The following P4HTM variants were observed in gnomAD, a reference collection of about 807,000 sequenced individuals.
P4HTM encodes the protein transmembrane prolyl 4-hydroxylase.
P4HTM carries 33 observed loss-of-function variants against 55.3 expected under a neutral mutation model. The observed-to-expected ratio is 0.60, with a 90% CI of 0.45 to 0.80. P4HTM has a LOEUF of 0.80. Ranked by LOEUF, P4HTM falls within the 30% of genes least tolerant of loss-of-function variation. P4HTM has a pLI of 0.00. For synonymous variants in P4HTM, 272 were observed against 286.4 expected (o/e 0.95, Z 0.51); for missense variants, 542 against 696.5 (o/e 0.78, Z 2.50).
At chr3:49,000,493 G>A (rs1385046847) in intron 2 of P4HTM, among the ~76,000 whole-genome samples, 3 of 152,182 alleles carry the variant, frequency 2.0e-5, no homozygotes, top group South Asian at 2.1e-4. Flanking sequence ...TGAGAGAAGC[G>A]GCAGGCCACT....
At chr3:49,006,317 A>G (rs2092981118) in intron 8 of P4HTM, 130 bp downstream of exon 8, 3 of 1,000,900 alleles carry the variant, frequency 3.0e-6, no homozygotes, top group East Asian at 2.5e-5. Context: ...GGTGCCTCCC[A>G]AAGGCCATCC....
At position 48,990,274 on chromosome 3, in the gene P4HTM, G is replaced by T; in HGVS notation, c.18G>T (p.Val6=). MAAAA[V]TGQRPETAAA... ...TGGGTGCCATGGCGGCAGCGGCGGT[G>T]ACAGGCCAGCGGCCTGAGACCGCGG... Residue 6 remains valine, a synonymous_variant, in exon 1 of 9, where the codon GTG becomes GTT. Transcript: ENST00000383729. This position sits in a 1 kb window ranked among gnomAD's most constrained non-coding sequence, Gnocchi z 7.2. The T allele has an allele frequency of 8.1e-7, 1 of 1,227,472 alleles. No individual in the cohort carries two copies. The highest frequency in any genetic ancestry group is 3.7e-5 in the South Asian group (1 of 26,926). The allele number at this position is 1,227,472 out of a possible 1,614,324, so 76.0% of individuals were successfully genotyped here.
In P4HTM at chr3:49,005,289, C is replaced by G. The variant is rs1398258285; in HGVS notation, c.1073+243C>G. 1.9e-5 allele frequency: 27 copies of G among 1,446,412 alleles called. 1 individual carries two copies. The highest frequency in any genetic ancestry group is 1.2e-4 in the South Asian group (8 of 69,150). 89.6% of individuals were successfully genotyped at this position (1,446,412 alleles called of 1,614,324 possible). A position where few individuals can be genotyped will look rare whatever the true frequency, so the allele number is the denominator to read the frequency against. ...ACTGATGTACCCACAGACACCAAAA[C>G]TTGCCCCCTGAGTTCTGAAGCAAGG... On this transcript the variant is annotated intron_variant, in intron 6 of 8. Coordinates refer to ENST00000383729, the MANE Select transcript of P4HTM (RefSeq NM_177939.3).
chr3:48,995,097 A>T (rs1310735785), intron 2 of P4HTM, among the ~76,000 whole-genome samples: 1 of 151,984 alleles, frequency 6.6e-6, no homozygotes, highest in African/African-American at 2.4e-5. Flanking sequence ...CACCGTGCCC[A>T]GCCGCTCATC....
chr3:48,995,239 C>T (rs1395706142), intron 2 of P4HTM, among the ~76,000 whole-genome samples: 1 of 152,192 alleles, frequency 6.6e-6, no homozygotes, highest in Non-Finnish European at 1.5e-5. Context: ...GATCCTCAGA[C>T]ACCACAAGCT....
chr3:48,997,671 G>A (rs2092949719), intron 2 of P4HTM: 1 of 152,252 alleles, frequency 6.6e-6, no homozygotes, highest in Non-Finnish European at 1.5e-5. Flanking sequence ...CTTAGAATCA[G>A]TCTGCCACCT....
Position 49,004,087 on chromosome 3 carries a change from G to A in P4HTM, c.725-11G>A. ...GGCTTGGTGGGCATTGATGGTGGGT[G>A]CCCTGTGCAGGAGTGCTGAGTCTGC... is the stretch of plus-strand genomic sequence containing the variant. On this transcript the variant is annotated splice_polypyrimidine_tract_variant and intron_variant, in intron 4 of 8. Transcript: ENST00000383729. 6.4e-7 allele frequency: 1 copy of A among 1,553,392 alleles called. No individual in the cohort carries two copies. The highest frequency in any genetic ancestry group is 8.7e-7 in the Non-Finnish European group (1 of 1,148,816).
At chr3:49,005,510 C>G in intron 6 of P4HTM, 1 of 1,341,792 alleles carries the variant, frequency 7.5e-7, no homozygotes, top group Non-Finnish European at 9.5e-7. Context: ...GCCTACCTTT[C>G]CCTGCCAGGC....
upstream of P4HTM, chr3:48,990,221 G>A (rs1463197306): frequency 1.7e-6 from 2 of 1,158,920 alleles, no homozygotes; most frequent in Non-Finnish European, 2.1e-6. The surrounding 1 kb of genome is among the most constrained non-coding windows in gnomAD (Gnocchi z 7.2). Context: ...GCACCCCCGC[G>A]GCCCCTCCCC....
chr3:49,006,111 T>C lies in P4HTM; in HGVS notation c.1212T>C (p.Cys404=), dbSNP rs1439178216. Residue 404 remains cysteine (C), a synonymous_variant, in exon 8 of 9, where the codon TGT becomes TGC. Coordinates refer to ENST00000383729, the MANE Select transcript of P4HTM (RefSeq NM_177939.3). The part of the protein sequence containing the change: ...DVDLRDTRRH[C]DKGNLRVKPQ... ...ACCTCCGTGACACACGGAGGCACTG[T>C]GACAAGGGAAACCTGCGTGTCAAGC... is the stretch of plus-strand genomic sequence containing the variant. 11 of 1,612,958 alleles carry C rather than the reference T, an allele frequency of 6.8e-6. No homozygotes were observed. The highest frequency in any genetic ancestry group is 9.3e-6 in the Non-Finnish European group (11 of 1,179,946).
chr3:49,000,926 T>C, intron 2 of P4HTM: 1 of 194,966 alleles, frequency 5.1e-6, no homozygotes, highest in African/African-American at 2.3e-5. Context: ...CCTGGTCAGA[T>C]GGCCAGCACC....
intron 2 of P4HTM, among the ~76,000 whole-genome samples, chr3:48,995,644 G>A (rs1576603972): frequency 1.3e-5 from 2 of 151,834 alleles, no homozygotes; most frequent in Admixed American, 6.6e-5. Context: ...GTGCAGTGGT[G>A]TGATCTCGGC....
chr3:49,006,970 T>C lies in P4HTM; in HGVS notation c.*63T>C, dbSNP rs2092985694. 24 of 1,301,570 alleles carry C rather than the reference T, an allele frequency of 1.8e-5. 1 individual carries two copies. In the South Asian group the frequency reaches 2.9e-4, roughly 16 times the overall value. 80.6% of individuals were successfully genotyped at this position (1,301,570 alleles called of 1,614,324 possible). On this transcript the variant is annotated 3_prime_UTR_variant, in exon 9 of 9. Transcript: ENST00000383729. Reference sequence around the variant, plus strand: ...AGTTGCCCAAGATCAGGGGTCCGGCTGTCCTTCTGTCCTGCTGCAGACTAA... The same window carrying C: ...AGTTGCCCAAGATCAGGGGTCCGGCCGTCCTTCTGTCCTGCTGCAGACTAA...
chr3:49,004,137 G>A lies in P4HTM; in HGVS notation c.764G>A (p.Arg255Gln), dbSNP rs539317367. ...SLQEFSNMDL[R>Q]DFHKYMRSHK... ...CAGGAGTTCTCCAACATGGACCTTCGGGACTTCCACAAGTACATGAGGAGC... is the reference window on the plus strand; with the variant it reads ...CAGGAGTTCTCCAACATGGACCTTCAGGACTTCCACAAGTACATGAGGAGC... The change falls in exon 5 of 9, where the codon CGG (arginine) becomes CAG (glutamine). Residue 255 changes from arginine to glutamine, a missense_variant. Coordinates refer to ENST00000383729, the MANE Select transcript of P4HTM (RefSeq NM_177939.3). 34 of 1,554,480 alleles carry A rather than the reference G, an allele frequency of 2.2e-5. No homozygotes were observed. Among genetic ancestry groups the A allele is most frequent in the Middle Eastern group, 1.9e-4 (1 of 5,320 alleles).
Position 49,006,086 on chromosome 3 carries a change from A to C in P4HTM, c.1187A>C (p.Asp396Ala). The change falls in exon 8 of 9, where the codon GAC becomes GCC. Residue 396 changes from aspartate (D) to alanine (A), a missense_variant. By Grantham distance (126) the Asp-to-Ala change is moderately radical (BLOSUM62 -2). Transcript: ENST00000383729. Reference sequence around the variant, plus strand: ...CAGAGTCTGATTCAGGATGACGTGGACCTCCGTGACACACGGAGGCACTGT... The same window carrying C: ...CAGAGTCTGATTCAGGATGACGTGGCCCTCCGTGACACACGGAGGCACTGT... The part of the protein sequence containing the change: ...DEMSLIQDDV[D>A]LRDTRRHCDK... 6.2e-7 allele frequency: 1 copy of C among 1,612,426 alleles called. No homozygotes were observed. The highest frequency in any genetic ancestry group is 8.5e-7 in the Non-Finnish European group (1 of 1,179,592).
rs375889763 is a variant in P4HTM at position 49,006,092 on chromosome 3, G to A, written c.1193G>A (p.Arg398His). ...CTGATTCAGGATGACGTGGACCTCCGTGACACACGGAGGCACTGTGACAAG... is the reference window on the plus strand; with the variant it reads ...CTGATTCAGGATGACGTGGACCTCCATGACACACGGAGGCACTGTGACAAG... ...MSLIQDDVDL[R>H]DTRRHCDKGN... Residue 398 changes from arginine (R) to histidine (H), a missense_variant, in exon 8 of 9, where the codon CGT (arginine) becomes CAT (histidine). By Grantham distance (29) the Arg-to-His change is conservative (BLOSUM62 0). Around this residue, in one of 2 missense-constraint regions of P4HTM, gnomAD observed 536 missense variants for 672.1 expected, o/e 0.80. Coordinates refer to ENST00000383729, the MANE Select transcript of P4HTM (RefSeq NM_177939.3). The A allele has an allele frequency of 1.4e-5, 22 of 1,612,784 alleles. No homozygotes were observed. Among genetic ancestry groups the A allele is most frequent in the Admixed American group, 3.3e-5 (2 of 59,990 alleles).
Position 48,990,419 on chromosome 3 carries a change from A to C in P4HTM, c.163A>C (p.Ile55Leu). Reference protein sequence around the residue: ...PVRPLCKPRGICSRAYFLVLM... With the variant: ...PVRPLCKPRGLCSRAYFLVLM... ...GCGTCCGCTGTGCAAGCCCCGCGGC[A>C]TCTGCTCGCGCGCCTACTTCCTGGT... Residue 55 changes from isoleucine to leucine, a missense_variant, in exon 1 of 9, where the codon ATC (isoleucine) becomes CTC (leucine). Physicochemically the swap from Ile to Leu is conservative, Grantham distance 5. This residue lies in a region of P4HTM where 536 missense variants were observed against 672.1 expected (regional missense o/e 0.80). Transcript: ENST00000383729. This position sits in a 1 kb window ranked among gnomAD's most constrained non-coding sequence, Gnocchi z 7.2. 6.3e-7 allele frequency: 1 copy of C among 1,596,760 alleles called. No homozygotes were observed. Among genetic ancestry groups the C allele is most frequent in the Non-Finnish European group, 8.5e-7 (1 of 1,173,280 alleles).
Position 48,990,520 on chromosome 3 carries a change from CG to C in P4HTM, c.265del (p.Glu89LysfsTer20). 1 of 1,611,164 alleles carries C rather than the reference CG, an allele frequency of 6.2e-7. No individual in the cohort carries two copies. The highest frequency in any genetic ancestry group is 8.5e-7 in the Non-Finnish European group (1 of 1,179,388). ...TCTTCGTGCACTACAGCAACGGCGA[CG>C]AAAGCAGCGATCCCGGGCCCCAACA... is the stretch of plus-strand genomic sequence containing the variant. ...LLFVHYSNGD[E>X]SSDPGPQHRA... On this transcript the variant is annotated frameshift_variant, in exon 1 of 9. Coordinates refer to ENST00000383729, the MANE Select transcript of P4HTM (RefSeq NM_177939.3). LOFTEE classifies it high-confidence loss of function. The surrounding 1 kb of genome is among the most constrained non-coding windows in gnomAD (Gnocchi z 7.2).
At position 49,006,064 on chromosome 3, in the gene P4HTM, A is replaced by G. The variant is rs773718180; in HGVS notation, c.1165A>G (p.Ser389Gly). ...CACCCCACCACCCTGCTGCCCACAG[A>G]GTCTGATTCAGGATGACGTGGACCT... ...VADNRTYDEM[S>G]LIQDDVDLRD... is the part of the protein sequence containing the mutation. Residue 389 changes from serine to glycine, a missense_variant and splice_region_variant, in exon 8 of 9, where the codon AGT becomes GGT. By Grantham distance (56) the Ser-to-Gly change is moderately conservative. Coordinates refer to ENST00000383729, the MANE Select transcript of P4HTM (RefSeq NM_177939.3). 2 of 1,611,236 alleles carry G rather than the reference A, an allele frequency of 1.2e-6. No individual in the cohort carries two copies. Among genetic ancestry groups the G allele is most frequent in the Non-Finnish European group, 1.7e-6 (2 of 1,178,490 alleles).
Sources: gnomAD v4.1 joint callset for allele counts (sites outside exome capture counted in the v4.1 genomes callset) on GRCh38, gnomAD v4.1.1 for gene constraint, gnomAD v4.1.1 regional missense constraint, Gnocchi (gnomAD v3.1) non-coding constraint, MANE v1.5 for transcripts, NCBI Gene and HGNC (gene_info 2026-07-23, HGNC 2026-07-21) for gene names.